The following RNF182 variants were observed in gnomAD, a reference collection of about 807,000 sequenced individuals.
RNF182 encodes the protein E3 ubiquitin-protein ligase RNF182.
A neutral mutation model predicts 14.4 loss-of-function variants in RNF182; 15 were observed. The ratio of observed to expected loss-of-function variants is 1.04; its 90% confidence interval spans 0.70 to 1.60. The LOEUF is 1.60. RNF182 is among the 40% of genes most tolerant of loss of function. The pLI is 0.00. For missense variants in RNF182, 268 were observed against 294.8 expected, an observed-to-expected ratio of 0.91 and a Z score of 0.67; for synonymous variants, 128 against 122.9, an observed-to-expected ratio of 1.04 and a Z score of -0.27.
intron 1 of RNF182, among the ~76,000 whole-genome samples, chr6:13,969,836 A>G (rs1161722468): frequency 1.5e-5 from 2 of 131,640 alleles, no homozygotes; most frequent in Non-Finnish European, 3.5e-5. Context: ...TTAGTTAGGA[A>G]TACCAGCTTC....
At chr6:13,975,578 A>G (rs572292264) in intron 2 of RNF182, among the ~76,000 whole-genome samples, 2 of 152,208 alleles carry the variant, frequency 1.3e-5, no homozygotes, top group Non-Finnish European at 2.9e-5. Context: ...ACATTCTTGT[A>G]GAATAGGAAG....
intron 1 of RNF182, among the ~76,000 whole-genome samples, chr6:13,969,105 T>G (rs989659871): frequency 2.0e-5 from 3 of 151,058 alleles, no homozygotes; most frequent in Admixed American, 6.6e-5. Context: ...GTCTCTGTTT[T>G]TTGTTGTTGT....
In RNF182 at chr6:13,977,793, T is replaced by C. The variant is rs1194796296; in HGVS notation, c.674T>C (p.Ile225Thr). 9 of 1,614,208 alleles carry C rather than the reference T, an allele frequency of 5.6e-6. No homozygotes were observed. Among genetic ancestry groups the C allele is most frequent in the South Asian group, 2.2e-5 (2 of 91,084 alleles). Residue 225 changes from isoleucine (I) to threonine (T), a missense_variant, in exon 3 of 3, where the codon ATT becomes ACT. Coordinates refer to ENST00000488300, the MANE Select transcript of RNF182 (RefSeq NM_152737.4). ...AGCCTGGTCCCTTCGAGCCTCGTTA[T>C]TCTTATGGTGTATGGTTTTTGCCAG... The part of the protein sequence containing the change: ...FVSLVPSSLV[I>T]LMVYGFCQCV...
intron 1 of RNF182, among the ~76,000 whole-genome samples, chr6:13,970,629 G>T (rs915197285): frequency 2.0e-5 from 3 of 152,040 alleles, no homozygotes; most frequent in Non-Finnish European, 4.4e-5. Flanking sequence ...GGGTTGTAAG[G>T]TATTTCTATT....
Position 13,936,126 on chromosome 6 carries a change from T to C in RNF182, c.-367+11103T>C, listed in dbSNP as rs146144252. Among the ~76,000 whole-genome samples the C allele has an allele frequency of 2.2e-3, 339 of 152,336 alleles. 5 individuals carry two copies. Among genetic ancestry groups the C allele is most frequent in the African/African-American group, 7.8e-3 (323 of 41,572 alleles). On this transcript the variant is annotated intron_variant, in intron 1 of 2. Transcript: ENST00000488300. ...AGAATTCTGTCGCGAGATAGCACTATGGGGATTGTGCTAAACCATTAGAAA... is the reference window on the plus strand; with the variant it reads ...AGAATTCTGTCGCGAGATAGCACTACGGGGATTGTGCTAAACCATTAGAAA...
In RNF182 at chr6:13,953,911, A is replaced by T. The variant is rs150005890; in HGVS notation, c.-366-20299A>T. On this transcript the variant is annotated intron_variant, in intron 1 of 2. Transcript: ENST00000488300. The stretch of plus-strand genomic sequence containing the variant: ...ACATTCAGTAGGCATTTGGTTAATG[A>T]ATGAATATACATGGTGGATGGGCAG... Among the ~76,000 whole-genome samples, 85 of 152,330 alleles carry T rather than the reference A, an allele frequency of 5.6e-4. 1 individual carries two copies. The highest frequency in any genetic ancestry group is 1.9e-3 in the African/African-American group (79 of 41,582).
At position 13,977,541 on chromosome 6, in the gene RNF182, C is replaced by G; in HGVS notation, c.422C>G (p.Ser141Cys). 2 of 1,614,182 alleles carry G rather than the reference C, an allele frequency of 1.2e-6. No individual in the cohort carries two copies. Among genetic ancestry groups the G allele is most frequent in the South Asian group, 2.2e-5 (2 of 91,080 alleles). ...ITIMEVQRES[S>C]PSLSSTPVVE... ...ATCATGGAGGTGCAGAGAGAGAGCT[C>G]CCCGTCCCTGAGCTCCACTCCTGTG... Residue 141 changes from serine (S) to cysteine (C), a missense_variant, in exon 3 of 3, where the codon TCC (serine) becomes TGC (cysteine). Physicochemically the swap from Ser to Cys is moderately radical, Grantham distance 112. Transcript: ENST00000488300.
intron 2 of RNF182, among the ~76,000 whole-genome samples, chr6:13,975,421 G>C (rs1056804433): frequency 6.6e-6 from 1 of 152,150 alleles, no homozygotes; most frequent in Non-Finnish European, 1.5e-5. Flanking sequence ...TAGATACATA[G>C]AGCTTGGTTC....
chr6:13,941,432 A>G (rs1759296793), intron 1 of RNF182, among the ~76,000 whole-genome samples: 1 of 151,864 alleles, frequency 6.6e-6, no homozygotes, highest in Non-Finnish European at 1.5e-5. Flanking sequence ...TCCTGACTCT[A>G]TTTTTAGTTG....
chr6:13,973,379 T>C (rs1760243518), intron 1 of RNF182, among the ~76,000 whole-genome samples: 1 of 152,030 alleles, frequency 6.6e-6, no homozygotes, highest in African/African-American at 2.4e-5. Flanking sequence ...GAGGGCACGA[T>C]TGGTTTTGAG....
chr6:13,978,066 A>T lies in RNF182; in HGVS notation c.*203A>T. ...TCTACTTAGGGGTTAGCAAAATTGT[A>T]TAAGCTCACACTTCATGGAGCACTG... is the stretch of plus-strand genomic sequence containing the variant. On this transcript the variant is annotated 3_prime_UTR_variant, in exon 3 of 3. Coordinates refer to ENST00000488300, the MANE Select transcript of RNF182 (RefSeq NM_152737.4). 4 of 558,404 alleles carry T rather than the reference A, an allele frequency of 7.2e-6. No homozygotes were observed. The highest frequency in any genetic ancestry group is 2.6e-5 in the South Asian group (1 of 37,964). The allele number at this position is 558,404 out of a possible 1,614,324, so 34.6% of individuals were successfully genotyped here.
At chr6:13,974,674 C>A (rs1034087785) in intron 2 of RNF182, among the ~76,000 whole-genome samples, 2 of 152,154 alleles carry the variant, frequency 1.3e-5, no homozygotes, top group African/African-American at 2.4e-5. Context: ...AGGAATGTGA[C>A]CTGCTGACTG....
chr6:13,977,939 C>G lies in RNF182; in HGVS notation c.*76C>G, dbSNP rs1760382931. ...AGTTAGATAATTTATAATTTATTTTCTTTTATGTTCTTTATGATTAGTATC... is the reference window on the plus strand; with the variant it reads ...AGTTAGATAATTTATAATTTATTTTGTTTTATGTTCTTTATGATTAGTATC... On this transcript the variant is annotated 3_prime_UTR_variant, in exon 3 of 3. Coordinates refer to ENST00000488300, the MANE Select transcript of RNF182 (RefSeq NM_152737.4). 1 of 1,401,608 alleles carries G rather than the reference C, an allele frequency of 7.1e-7. No homozygotes were observed. Among genetic ancestry groups the G allele is most frequent in the Admixed American group, 2.3e-5 (1 of 43,790 alleles). 86.8% of individuals were successfully genotyped at this position (1,401,608 alleles called of 1,614,324 possible). A position where few individuals can be genotyped will look rare whatever the true frequency, so the allele number is the denominator to read the frequency against.
chr6:13,949,053 A>G, intron 1 of RNF182: 1 of 629,378 alleles, frequency 1.6e-6, no homozygotes, highest in Admixed American at 2.6e-5. Context: ...TAAGATTTTC[A>G]CAAACCTTTT....
chr6:13,972,633 G>A (rs1235630603), intron 1 of RNF182, among the ~76,000 whole-genome samples: 1 of 152,212 alleles, frequency 6.6e-6, no homozygotes, highest in Non-Finnish European at 1.5e-5. Flanking sequence ...TCAATGTACA[G>A]CTCAGCCCAT....
chr6:13,924,489 G>A (rs1228168920), upstream of RNF182: 2 of 152,220 alleles, frequency 1.3e-5, no homozygotes, highest in Non-Finnish European at 2.9e-5. Context: ...AGTACCAGTT[G>A]CTCAACACTT....
At chr6:13,925,111 G>A (rs925373785) in intron 1 of RNF182, 88 bp downstream of exon 1, 8 of 106,276 alleles carry the variant, frequency 7.5e-5, no homozygotes, top group Admixed American at 3.6e-4. Context: ...CCGCAGTCCT[G>A]GACGGCGCCG....
chr6:13,938,928 C>T (rs1428532533), intron 1 of RNF182, among the ~76,000 whole-genome samples: 3 of 152,030 alleles, frequency 2.0e-5, no homozygotes, highest in South Asian at 4.1e-4. Flanking sequence ...ACTAAAAATA[C>T]AAAAATAAGC....
At position 13,977,212 on chromosome 6, in the gene RNF182, G is replaced by A. The variant is rs1204461939; in HGVS notation, c.93G>A (p.Gln31=). The A allele has an allele frequency of 5.0e-6, 8 of 1,614,202 alleles. No individual in the cohort carries two copies. Among genetic ancestry groups the A allele is most frequent in the Non-Finnish European group, 6.8e-6 (8 of 1,180,028 alleles). ...KICYNRYNLK[Q]RKPKVLECCH... ...GTTACAATCGATACAATCTGAAACA[G>A]AGGAAACCCAAAGTGCTGGAGTGTT... The change falls in exon 3 of 3, where the codon CAG becomes CAA. Residue 31 remains glutamine (Q), a synonymous_variant. Transcript: ENST00000488300.
Sources: allele counts gnomAD v4.1 joint callset (sites outside exome capture counted in the v4.1 genomes callset), GRCh38; gene constraint gnomAD v4.1.1; transcripts MANE v1.5; gene names NCBI Gene and HGNC (gene_info 2026-07-23, HGNC 2026-07-21).